NECTIN1: variants seen among roughly 807,000 people sequenced by gnomAD.
The protein encoded by NECTIN1 is nectin cell adhesion molecule 1, also known as nectin-1.
In NECTIN1, 23 loss-of-function variants were observed where a neutral mutation model predicts 48.0. That is an observed-to-expected ratio of 0.48 (90% CI 0.34 to 0.68). The LOEUF (loss-of-function observed/expected upper bound fraction) is 0.68. Ranked by LOEUF, NECTIN1 falls within the 30% of genes least tolerant of loss-of-function variation. The pLI, the probability that NECTIN1 is intolerant of heterozygous loss-of-function variation, is 0.01. For missense variants in NECTIN1, 591 were observed against 709.9 expected (o/e 0.83, Z 1.90); for synonymous variants, 270 against 288.9 (o/e 0.93, Z 0.66).
chr11:119,722,693 G>A (rs1318551303), intron 1 of NECTIN1, among the ~76,000 whole-genome samples: 4 of 152,224 alleles, frequency 2.6e-5, no homozygotes, highest in Non-Finnish European at 4.4e-5. Flanking sequence ...GTGGGGGCAG[G>A]GACTCGCTTC....
intron 5 of NECTIN1, among the ~76,000 whole-genome samples, chr11:119,674,861 T>C (rs76730404): frequency 0.015 from 2,239 of 152,306 alleles, 42 homozygotes; most frequent in East Asian, 0.049. Context: ...CTGGCAGATC[T>C]ACGGGCAGGT....
downstream of NECTIN1, among the ~76,000 whole-genome samples, chr11:119,657,920 C>CAA (rs61352311): frequency 0.64 from 49,812 of 77,928 alleles, 16,392 homozygotes; most frequent in Non-Finnish European, 0.75. Flanking sequence ...GACCCCGTCT[C>CAA]AAAAAAAAAA....
At position 119,688,421 on chromosome 11, in the gene NECTIN1, C is replaced by T. The variant is rs11217398; in HGVS notation, c.80-9656G>A. Among the ~76,000 whole-genome samples the T allele has an allele frequency of 6.7e-3, 1,023 of 151,932 alleles. 10 individuals carry two copies. The highest frequency in any genetic ancestry group is 0.048 in the East Asian group (249 of 5,154). On this transcript the variant is annotated intron_variant, in intron 1 of 5. Coordinates refer to ENST00000264025, the MANE Select transcript of NECTIN1 (RefSeq NM_002855.5). ...ACTCCCCCAGGGCACGAATGAACTC[C>T]GCACCAATGACATTTTGGAGGGGGG...
chr11:119,652,512 C>A (rs780743061), intron 5 of NECTIN1, among the ~76,000 whole-genome samples: 4 of 152,218 alleles, frequency 2.6e-5, no homozygotes, highest in African/African-American at 4.8e-5. Context: ...TGACAATAGG[C>A]CTTCAAACAT....
rs577549374 is a variant in NECTIN1 at position 119,720,961 on chromosome 11, T to C, written c.79+7514A>G. Among the ~76,000 whole-genome samples, 24 of 152,212 alleles carry C rather than the reference T, an allele frequency of 1.6e-4. No homozygotes were observed. The East Asian group carries it at 4.3e-3, about 27-fold the overall frequency. On this transcript the variant is annotated intron_variant, in intron 1 of 5. Transcript: ENST00000264025. Reference sequence around the variant, plus strand: ...TCAGCCATCGGTGAAACTCCATCTATAGGTGAGGGGAAATGCTTCCTCTCT... The same window carrying C: ...TCAGCCATCGGTGAAACTCCATCTACAGGTGAGGGGAAATGCTTCCTCTCT...
chr11:119,679,344 G>C (rs949100085), intron 1 of NECTIN1, among the ~76,000 whole-genome samples: 1 of 152,196 alleles, frequency 6.6e-6, no homozygotes, highest in African/African-American at 2.4e-5. Context: ...CTCTGGATGA[G>C]CTTGAAGGCC....
chr11:119,707,552 C>CA (rs1865570575), intron 1 of NECTIN1, among the ~76,000 whole-genome samples: 1 of 152,144 alleles, frequency 6.6e-6, no homozygotes, highest in African/African-American at 2.4e-5. Flanking sequence ...TCCAACTGCC[C>CA]ATGTAGGCAG....
intron 1 of NECTIN1, among the ~76,000 whole-genome samples, chr11:119,705,755 T>G (rs1446171428): frequency 6.6e-6 from 1 of 152,162 alleles, no homozygotes; most frequent in Non-Finnish European, 1.5e-5. Flanking sequence ...GCCGGGAGAC[T>G]GGTGGAGGCG....
chr11:119,722,001 G>A (rs989833419), intron 1 of NECTIN1, among the ~76,000 whole-genome samples: 36 of 152,318 alleles, frequency 2.4e-4, no homozygotes, highest in Admixed American at 7.2e-4. Flanking sequence ...CTGGTAAAGT[G>A]GAGGACCGTC....
chr11:119,653,379 C>T (rs981484360), intron 5 of NECTIN1, among the ~76,000 whole-genome samples: 6 of 152,294 alleles, frequency 3.9e-5, no homozygotes, highest in Middle Eastern at 3.4e-3. Flanking sequence ...GCCTTTGCTC[C>T]GGGGTGAATG....
chr11:119,664,283 T>C lies in NECTIN1; in HGVS notation c.*464A>G. 2 of 998,232 alleles carry C rather than the reference T, an allele frequency of 2.0e-6. No homozygotes were observed. The highest frequency in any genetic ancestry group is 2.4e-6 in the Non-Finnish European group (2 of 837,342). 61.8% of individuals were successfully genotyped at this position (998,232 alleles called of 1,614,324 possible). Reference sequence around the variant, plus strand: ...TCACTGGTGGGTGTTGGGTTCCCTCTAGCCGGGAGGAGGAGCAGCATCTGG... The same window carrying C: ...TCACTGGTGGGTGTTGGGTTCCCTCCAGCCGGGAGGAGGAGCAGCATCTGG... On this transcript the variant is annotated 3_prime_UTR_variant, in exon 6 of 6. Coordinates refer to ENST00000264025, the MANE Select transcript of NECTIN1 (RefSeq NM_002855.5).
chr11:119,674,708 C>G, intron 5 of NECTIN1: 1 of 1,614,178 alleles, frequency 6.2e-7, no homozygotes, highest in Non-Finnish European at 8.5e-7. Context: ...TACATCTTCG[C>G]TTTCTCTCCA....
intron 1 of NECTIN1, among the ~76,000 whole-genome samples, chr11:119,706,613 C>T (rs1007132832): frequency 3.3e-5 from 5 of 152,186 alleles, no homozygotes; most frequent in African/African-American, 1.2e-4. Flanking sequence ...TTCAAATAAA[C>T]GGCATGATAT....
chr11:119,693,689 A>G (rs1865299678), intron 1 of NECTIN1, among the ~76,000 whole-genome samples: 1 of 152,154 alleles, frequency 6.6e-6, no homozygotes, highest in Non-Finnish European at 1.5e-5. Context: ...CTCAGCCTCC[A>G]AAACACGCAG....
At chr11:119,652,450 C>T (rs1450214591) in intron 5 of NECTIN1, among the ~76,000 whole-genome samples, 1 of 152,092 alleles carries the variant, frequency 6.6e-6, no homozygotes, top group East Asian at 1.9e-4. Flanking sequence ...AGGGCCCCCA[C>T]CTGGCAGACC....
intron 5 of NECTIN1, among the ~76,000 whole-genome samples, chr11:119,668,653 C>G (rs148483165): frequency 6.6e-6 from 1 of 152,186 alleles, no homozygotes; most frequent in Non-Finnish European, 1.5e-5. Context: ...TTTTCTCTTT[C>G]GAATTTTTAT....
Position 119,678,361 on chromosome 11 carries a change from G to C in NECTIN1, c.430+54C>G. Reference sequence around the variant, plus strand: ...ATTGAGGCATCCTGAGGATGGCCACGCCCCGAGGTCACAGGCCTCTGGATG... The same window carrying C: ...ATTGAGGCATCCTGAGGATGGCCACCCCCCGAGGTCACAGGCCTCTGGATG... On this transcript the variant is annotated intron_variant, in intron 2 of 5. Transcript: ENST00000264025. The surrounding 1 kb of genome is among the most constrained non-coding windows in gnomAD (Gnocchi z 4.4). 2 of 1,513,990 alleles carry C rather than the reference G, an allele frequency of 1.3e-6. No homozygotes were observed. The highest frequency in any genetic ancestry group is 2.2e-5 in the South Asian group (2 of 89,082). 93.8% of individuals were successfully genotyped at this position (1,513,990 alleles called of 1,614,324 possible).
rs577668714 is a variant in NECTIN1 at position 119,685,402 on chromosome 11, G to A, written c.80-6637C>T. Among the ~76,000 whole-genome samples the A allele has an allele frequency of 9.2e-5, 14 of 152,346 alleles. No individual in the cohort carries two copies. The South Asian group carries it at 2.5e-3, about 27-fold the overall frequency. ...GGCACGGCGGCCTGGGAAAAGCCCCGAGAAGGAGGCAGCGCAGGAGCCCAG... is the reference window on the plus strand; with the variant it reads ...GGCACGGCGGCCTGGGAAAAGCCCCAAGAAGGAGGCAGCGCAGGAGCCCAG... On this transcript the variant is annotated intron_variant, in intron 1 of 5. Transcript: ENST00000264025.
At chr11:119,645,312 C>CAAGGGCAGAGAGGCAAGGG (rs1864382523) in intron 5 of NECTIN1, among the ~76,000 whole-genome samples, 1 of 152,164 alleles carries the variant, frequency 6.6e-6, no homozygotes. Flanking sequence ...GGCAAGTCTT[C>CAAGGGCAGAGAGGCAAGGG]CTGGCCAACC....
Sources: allele counts gnomAD v4.1 joint callset (sites outside exome capture counted in the v4.1 genomes callset), GRCh38; gene constraint gnomAD v4.1.1; non-coding constraint Gnocchi (gnomAD v3.1); transcripts MANE v1.5; gene names NCBI Gene and HGNC (gene_info 2026-07-23, HGNC 2026-07-21).